Variants in DPF2 observed in about 807,000 individuals in gnomAD.
DPF2 encodes the protein zinc finger protein ubi-d4.
A neutral mutation model predicts 59.6 loss-of-function variants in DPF2; 10 were observed. The ratio of observed to expected loss-of-function variants is 0.17; its 90% CI spans 0.10 to 0.28. The LOEUF is 0.28. Among genes scored for constraint, DPF2 ranks in the 10% least tolerant of loss-of-function variants. The pLI, the probability that DPF2 is intolerant of heterozygous loss-of-function variation, is 1.00. For synonymous variants in DPF2, 189 were observed against 190.6 expected (o/e 0.99, Z 0.07); for missense variants, 315 against 509.4 (o/e 0.62, Z 3.67).
chr11:65,346,244 C>T lies in DPF2; in HGVS notation c.905-3C>T. 1.2e-6 allele frequency: 2 copies of T among 1,614,020 alleles called. No homozygotes were observed. Among genetic ancestry groups the T allele is most frequent in the South Asian group, 1.1e-5 (1 of 91,064 alleles). Reference sequence around the variant, plus strand: ...TCTGTCTCACTCACTTCCCCCACTACAGGGCATCCATCTTGCCTCCAATTT... The same window carrying T: ...TCTGTCTCACTCACTTCCCCCACTATAGGGCATCCATCTTGCCTCCAATTT... On this transcript the variant is annotated splice_region_variant and splice_polypyrimidine_tract_variant and intron_variant, in intron 8 of 10. Transcript: ENST00000528416.
At chr11:65,340,637 C>T (rs1248024814) in intron 2 of DPF2, 92 bp downstream of exon 2, 1 of 1,522,088 alleles carries the variant, frequency 6.6e-7, no homozygotes, top group Non-Finnish European at 8.9e-7. Context: ...ATAGGGTTTT[C>T]CCTACTGCCT....
chr11:65,341,458 G>A lies in DPF2; in HGVS notation c.361G>A (p.Ala121Thr). ...LISQDGSSLE[A>T]LLRTDPLEKR... ...CTCTCAGGATGGCAGTAGTTTAGAGGCTCTGTTGCGCACTGACCCCCTGGA... is the reference window on the plus strand; with the variant it reads ...CTCTCAGGATGGCAGTAGTTTAGAGACTCTGTTGCGCACTGACCCCCTGGA... Residue 121 changes from alanine (A) to threonine (T), a missense_variant, in exon 4 of 11, where the codon GCT becomes ACT. Transcript: ENST00000528416. 1 of 1,614,210 alleles carries A rather than the reference G, an allele frequency of 6.2e-7. No homozygotes were observed. The highest frequency in any genetic ancestry group is 1.6e-4 in the Middle Eastern group (1 of 6,062).
chr11:65,344,126 G>A, intron 6 of DPF2, 57 bp downstream of exon 6: 2 of 1,540,950 alleles, frequency 1.3e-6, no homozygotes, highest in Admixed American at 1.7e-5. Flanking sequence ...TCCTGCTCTG[G>A]ATATGAGAGG....
chr11:65,352,342 G>T lies in DPF2; in HGVS notation c.*583G>T. On this transcript the variant is annotated 3_prime_UTR_variant, in exon 11 of 11. Transcript: ENST00000528416. ...TGTTCTCGGTCACCCTCCTGGTTCT[G>T]CCCTGTCCCATTCCACCCCACCCCA... 1 of 154,836 alleles carries T rather than the reference G, an allele frequency of 6.5e-6. No homozygotes were observed. The highest frequency in any genetic ancestry group is 1.4e-5 in the Non-Finnish European group (1 of 69,538). The allele number at this position is 154,836 out of a possible 1,614,324, so 9.6% of individuals were successfully genotyped here. A position where few individuals can be genotyped will look rare whatever the true frequency, so the allele number is the denominator to read the frequency against.
chr11:65,352,072 C>G lies in DPF2; in HGVS notation c.*313C>G, dbSNP rs961199169. On this transcript the variant is annotated 3_prime_UTR_variant, in exon 11 of 11. Transcript: ENST00000528416. ...GCCCCTGGTGATCACAGGGTTCAAA[C>G]AGTGTCCTCCTAGAAAGAGTGGGAG... is the stretch of plus-strand genomic sequence containing the variant. The G allele has an allele frequency of 2.7e-6, 1 of 371,006 alleles. No homozygotes were observed. The highest frequency in any genetic ancestry group is 2.1e-5 in the African/African-American group (1 of 48,542). 23.0% of individuals were successfully genotyped at this position (371,006 alleles called of 1,614,324 possible). A position where few individuals can be genotyped will look rare whatever the true frequency, so the allele number is the denominator to read the frequency against.
chr11:65,340,991 C>T lies in DPF2; in HGVS notation c.219C>T (p.Ser73=). The T allele has an allele frequency of 6.2e-7, 1 of 1,614,152 alleles. No individual in the cohort carries two copies. The highest frequency in any genetic ancestry group is 8.5e-7 in the Non-Finnish European group (1 of 1,180,040). Residue 73 remains serine (S), a synonymous_variant, in exon 3 of 11, where the codon TCC becomes TCT. Coordinates refer to ENST00000528416, the MANE Select transcript of DPF2 (RefSeq NM_006268.5). The part of the protein sequence containing the change: ...GPGLASGQLY[S]YPARRWRKKR... ...GATTGGCCTCCGGACAGCTGTACTCCTACCCTGCCCGGCGCTGGCGGAAAA... is the reference window on the plus strand; with the variant it reads ...GATTGGCCTCCGGACAGCTGTACTCTTACCCTGCCCGGCGCTGGCGGAAAA...
At chr11:65,341,264 AG>A in intron 3 of DPF2, 134 bp from the exon 4 acceptor site, 3 of 1,351,780 alleles carry the variant, frequency 2.2e-6, no homozygotes, top group Non-Finnish European at 2.0e-6. Flanking sequence ...CAAGTGAACT[AG>A]GGTGTCTTAA....
Position 65,341,010 on chromosome 11 carries a change from C to T in DPF2, c.238C>T (p.Arg80Trp), listed in dbSNP as rs1000077930. The T allele has an allele frequency of 1.9e-6, 3 of 1,613,928 alleles. No individual in the cohort carries two copies. Among genetic ancestry groups the T allele is most frequent in the African/African-American group, 2.7e-5 (2 of 74,892 alleles). Reference sequence around the variant, plus strand: ...GTACTCCTACCCTGCCCGGCGCTGGCGGAAAAAGCGGCGAGCCCATCCCCC... The same window carrying T: ...GTACTCCTACCCTGCCCGGCGCTGGTGGAAAAAGCGGCGAGCCCATCCCCC... ...QLYSYPARRW[R>W]KKRRAHPPED... The change falls in exon 3 of 11, where the codon CGG (arginine) becomes TGG (tryptophan). Residue 80 changes from arginine to tryptophan, a missense_variant. Transcript: ENST00000528416.
chr11:65,347,088 C>T (rs562742095), intron 9 of DPF2: 1 of 149,102 alleles, frequency 6.7e-6, no homozygotes, highest in South Asian at 2.2e-4. Flanking sequence ...AATCTCAGCT[C>T]ACTGCAACCT....
chr11:65,351,358 T>G (rs1239085121), intron 10 of DPF2, among the ~76,000 whole-genome samples: 1 of 152,230 alleles, frequency 6.6e-6, no homozygotes, highest in Non-Finnish European at 1.5e-5. Context: ...AAAACTGAGG[T>G]GCTTGACAAA....
In DPF2 at chr11:65,337,492, TATATATATATATAGAGAG is replaced by T. The variant is rs1481056610; in HGVS notation, c.33-2891_33-2874del. Among the ~76,000 whole-genome samples the T allele has an allele frequency of 1.2e-3, 81 of 67,396 alleles. 1 individual carries two copies. Among genetic ancestry groups the T allele is most frequent in the Non-Finnish European group, 1.7e-3 (61 of 35,750 alleles). 44.2% of individuals were successfully genotyped at this position (67,396 alleles called of 152,430 possible). A position where few individuals can be genotyped will look rare whatever the true frequency, so the allele number is the denominator to read the frequency against. Reference sequence around the variant, plus strand: ...AAAAAAAAATATATATATATATATATATATATATATATAGAGAGAGAGAGAGAGAGAGAGAGAGAGAGA... The same window carrying T: ...AAAAAAAAATATATATATATATATATAGAGAGAGAGAGAGAGAGAGAGAGA... On this transcript the variant is annotated intron_variant, in intron 1 of 10. Transcript: ENST00000528416.
chr11:65,341,383 C>G lies in DPF2; in HGVS notation c.302-16C>G. The stretch of plus-strand genomic sequence containing the variant: ...CAGCCCTTTTGAGCCTTGCTTTATC[C>G]TGACCTTGCTTGCAGACACAGACCA... On this transcript the variant is annotated splice_polypyrimidine_tract_variant and intron_variant, in intron 3 of 10. Coordinates refer to ENST00000528416, the MANE Select transcript of DPF2 (RefSeq NM_006268.5). 6.2e-7 allele frequency: 1 copy of G among 1,614,104 alleles called. No individual in the cohort carries two copies. Among genetic ancestry groups the G allele is most frequent in the Non-Finnish European group, 8.5e-7 (1 of 1,179,982 alleles).
intron 8 of DPF2, 71 bp downstream of exon 8, chr11:65,346,129 C>T: frequency 6.2e-7 from 1 of 1,601,414 alleles, no homozygotes; most frequent in East Asian, 2.2e-5. Flanking sequence ...GCCTCTAGGG[C>T]TGTCATAACC....
In DPF2 at chr11:65,353,751, G is replaced by A. The variant is rs1160489687; in HGVS notation, c.*1992G>A. 6.6e-6 allele frequency among the ~76,000 whole-genome samples: 1 copy of A among 152,186 alleles called. No individual in the cohort carries two copies. Reference sequence around the variant, plus strand: ...CATTCTGAAAGTCATCCTTGCCTATGGGAAGCCTAGGCCGGCCTGCACTGT... The same window carrying A: ...CATTCTGAAAGTCATCCTTGCCTATAGGAAGCCTAGGCCGGCCTGCACTGT... On this transcript the variant is annotated 3_prime_UTR_variant, in exon 11 of 11. Coordinates refer to ENST00000528416, the MANE Select transcript of DPF2 (RefSeq NM_006268.5).
intron 10 of DPF2, among the ~76,000 whole-genome samples, chr11:65,349,870 G>GCA (rs1306787446): frequency 2.0e-5 from 3 of 151,938 alleles, no homozygotes; most frequent in Admixed American, 1.3e-4. Flanking sequence ...CTGTTACTGT[G>GCA]CACAAAGGAT....
rs774185071 is a variant in DPF2, at chr11:65,333,935, TTCTC to T, written c.32+20_32+23del. The T allele has an allele frequency of 4.3e-5, 69 of 1,613,576 alleles. No homozygotes were observed. The highest frequency in any genetic ancestry group is 5.7e-5 in the Non-Finnish European group (67 of 1,179,810). ...AGTGAAGCTGTGAGTGGTCGTTTCTTTCTCTCCTAGGGCGGCAGGTTTTGTAAAG... is the reference window on the plus strand; with the variant it reads ...AGTGAAGCTGTGAGTGGTCGTTTCTTTCCTAGGGCGGCAGGTTTTGTAAAG... On this transcript the variant is annotated intron_variant, in intron 1 of 10. Transcript: ENST00000528416.
rs1397226045 is a variant in DPF2 at position 65,352,272 on chromosome 11, C to T, written c.*513C>T. ...CTCTTTCCTCCAGAGTGGCTCTCTGCGGCCCTGTGTTCCTGCTACAGAGTG... is the reference window on the plus strand; with the variant it reads ...CTCTTTCCTCCAGAGTGGCTCTCTGTGGCCCTGTGTTCCTGCTACAGAGTG... On this transcript the variant is annotated 3_prime_UTR_variant, in exon 11 of 11. Coordinates refer to ENST00000528416, the MANE Select transcript of DPF2 (RefSeq NM_006268.5). 3 of 161,800 alleles carry T rather than the reference C, an allele frequency of 1.9e-5. No homozygotes were observed. Among genetic ancestry groups the T allele is most frequent in the South Asian group, 1.7e-4 (1 of 6,060 alleles). The allele number at this position is 161,800 out of a possible 1,614,324, so 10.0% of individuals were successfully genotyped here.
At chr11:65,341,141 T>C in intron 3 of DPF2, 68 bp downstream of exon 3, 1 of 1,517,088 alleles carries the variant, frequency 6.6e-7, no homozygotes, top group Non-Finnish European at 9.1e-7. Context: ...ATCACTGTGA[T>C]ATACCAGGCC....
At chr11:65,345,404 C>A (rs371126081) in intron 6 of DPF2, 3 of 500,362 alleles carry the variant, frequency 6.0e-6, no homozygotes, top group African/African-American at 1.9e-5. Context: ...GCTAAGCCCC[C>A]CAAAAGTCAA....
Sources: allele counts gnomAD v4.1 joint callset (sites outside exome capture counted in the v4.1 genomes callset), GRCh38; gene constraint gnomAD v4.1.1; transcripts MANE v1.5; gene names NCBI Gene and HGNC (gene_info 2026-07-23, HGNC 2026-07-21).